The following PRPF18 variants were observed in gnomAD, a reference collection of about 807,000 sequenced individuals.
PRPF18 encodes the protein pre-mRNA processing factor 18, also known as pre-mRNA-splicing factor 18.
PRPF18 carries 38 observed loss-of-function variants against 46.5 expected under a neutral mutation model. The observed-to-expected ratio is 0.82, with a 90% CI of 0.63 to 1.07. The LOEUF (loss-of-function observed/expected upper bound fraction) is 1.07. Ranked by LOEUF, PRPF18 falls within the 50% of genes least tolerant of loss-of-function variation. The pLI is 0.00. For missense variants in PRPF18, 263 were observed against 410.0 expected, an observed-to-expected ratio of 0.64 and a Z score of 3.10; for synonymous variants, 152 against 146.7, an observed-to-expected ratio of 1.04 and a Z score of -0.26.
At chr10:13,621,334 G>A (rs1437258168) in intron 9 of PRPF18, among the ~76,000 whole-genome samples, 1 of 152,194 alleles carries the variant, frequency 6.6e-6, no homozygotes, top group Non-Finnish European at 1.5e-5. Context: ...GGGACTGGAA[G>A]GCATTTTGTA....
In PRPF18 at chr10:13,613,726, C is replaced by G. The variant is rs760668696; in HGVS notation, c.580-15C>G. On this transcript the variant is annotated splice_polypyrimidine_tract_variant and intron_variant, in intron 6 of 9. Transcript: ENST00000378572. ...GGGTGGCATTGTAGTCTAAGTTTACCCATCCTTTCAACAGTTTCTTCTTGG... is the reference window on the plus strand; with the variant it reads ...GGGTGGCATTGTAGTCTAAGTTTACGCATCCTTTCAACAGTTTCTTCTTGG... 8 of 1,607,808 alleles carry G rather than the reference C, an allele frequency of 5.0e-6. No individual in the cohort carries two copies. The highest frequency in any genetic ancestry group is 6.8e-6 in the Non-Finnish European group (8 of 1,178,042).
At chr10:13,618,298 T>A (rs989192169) in intron 9 of PRPF18, among the ~76,000 whole-genome samples, 2 of 152,088 alleles carry the variant, frequency 1.3e-5, no homozygotes, top group African/African-American at 4.8e-5. Flanking sequence ...CCATATACCC[T>A]TTTGCTTAAG....
At chr10:13,605,036 C>G (rs960620266) in intron 3 of PRPF18, among the ~76,000 whole-genome samples, 3 of 152,296 alleles carry the variant, frequency 2.0e-5, no homozygotes, top group African/African-American at 7.2e-5. Context: ...GGTCAGACCA[C>G]TTTCTAGGAG....
rs1371735199 is a variant in PRPF18 at position 13,630,777 on chromosome 10, T to G, written c.*437T>G. On this transcript the variant is annotated 3_prime_UTR_variant, in exon 10 of 10. Transcript: ENST00000378572. ...AATATTTTTATATATTTCAAAAACA[T>G]GGGACCATTGAATGAAACTTTATAG... The G allele has an allele frequency of 2.6e-5, 4 of 152,140 alleles. No homozygotes were observed. The highest frequency in any genetic ancestry group is 4.8e-5 in the African/African-American group (2 of 41,438). 9.4% of individuals were successfully genotyped at this position (152,140 alleles called of 1,614,324 possible).
rs751175281 is a variant in PRPF18, at chr10:13,587,187, AGAGT to A, written c.66+39_66+42del. The A allele has an allele frequency of 1.0e-4, 162 of 1,583,070 alleles. 1 individual carries two copies. The highest frequency in any genetic ancestry group is 1.4e-4 in the Non-Finnish European group (162 of 1,152,222). On this transcript the variant is annotated intron_variant, in intron 1 of 9. Coordinates refer to ENST00000378572, the MANE Select transcript of PRPF18 (RefSeq NM_003675.4). ...CTGCGGTCGTGGGGGTCGGGATGTA[AGAGT>A]GAGAGTATGTGTGTCGGGGTTTTGG... is the stretch of plus-strand genomic sequence containing the variant.
At chr10:13,621,145 A>G (rs941905755) in intron 9 of PRPF18, among the ~76,000 whole-genome samples, 9 of 152,214 alleles carry the variant, frequency 5.9e-5, no homozygotes, top group African/African-American at 1.9e-4. Flanking sequence ...TTATTTGTCA[A>G]AAATAAGGGA....
the PRPF18 span, chr10:13,655,840 G>A: frequency 1.4e-4 from 21 of 152,180 alleles, no homozygotes; most frequent in Admixed American, 3.3e-4. Context: ...AGTGGTAAGA[G>A]TATGTTAATA....
intron 1 of PRPF18, among the ~76,000 whole-genome samples, chr10:13,594,586 G>T (rs534132549): frequency 6.6e-6 from 1 of 152,240 alleles, no homozygotes; most frequent in Admixed American, 6.5e-5. Context: ...GTAATGTCAT[G>T]GTTCAGTGAA....
the PRPF18 span, chr10:13,655,790 T>C: frequency 2.0e-5 from 3 of 152,226 alleles, no homozygotes; most frequent in Non-Finnish European, 4.4e-5. Flanking sequence ...TTTATTCTTA[T>C]GATGTTTACC....
intron 9 of PRPF18, among the ~76,000 whole-genome samples, chr10:13,618,692 T>C (rs1182336223): frequency 1.3e-5 from 2 of 151,352 alleles, no homozygotes; most frequent in Non-Finnish European, 2.9e-5. Flanking sequence ...TAGTATGATA[T>C]GGCCACCTAA....
the PRPF18 span, among the ~76,000 whole-genome samples, chr10:13,650,193 G>A: frequency 1.3e-5 from 2 of 152,174 alleles, no homozygotes; most frequent in Non-Finnish European, 2.9e-5. Context: ...CTGCTGGGAG[G>A]GAGGAATTTC....
chr10:13,650,722 C>T, the PRPF18 span, among the ~76,000 whole-genome samples: 1 of 152,142 alleles, frequency 6.6e-6, no homozygotes, highest in Non-Finnish European at 1.5e-5. Flanking sequence ...ACTTACTTTT[C>T]AAAAGTCCAG....
At chr10:13,634,686 G>A (rs2080620340), downstream of PRPF18, among the ~76,000 whole-genome samples, 1 of 152,206 alleles carries the variant, frequency 6.6e-6, no homozygotes, top group Non-Finnish European at 1.5e-5. Flanking sequence ...ACAAGTGTAT[G>A]GAGACCCAGT....
intron 9 of PRPF18, among the ~76,000 whole-genome samples, chr10:13,620,185 T>C (rs1021980902): frequency 2.6e-5 from 4 of 152,218 alleles, no homozygotes; most frequent in Admixed American, 6.5e-5. Flanking sequence ...GTAAATATCT[T>C]GGGCTTTGTA....
At chr10:13,627,157 A>C (rs1032523002) in intron 9 of PRPF18, among the ~76,000 whole-genome samples, 3 of 152,148 alleles carry the variant, frequency 2.0e-5, no homozygotes, top group Non-Finnish European at 1.5e-5. Context: ...GTCCAAGCCA[A>C]AGTCCTTCAG....
chr10:13,614,169 G>T (rs1589131335), intron 8 of PRPF18, 83 bp downstream of exon 8: 1 of 1,045,546 alleles, frequency 9.6e-7, no homozygotes, highest in Non-Finnish European at 1.4e-6. Flanking sequence ...GGGATAGGAG[G>T]ATTTTACATA....
downstream of PRPF18, among the ~76,000 whole-genome samples, chr10:13,632,293 A>T (rs2080597112): frequency 1.3e-5 from 2 of 152,088 alleles, no homozygotes; most frequent in Non-Finnish European, 1.5e-5. Flanking sequence ...GTGAGCCGAG[A>T]TCGTGCCACT....
chr10:13,626,570 G>A (rs1026662568), intron 9 of PRPF18, among the ~76,000 whole-genome samples: 1 of 152,222 alleles, frequency 6.6e-6, no homozygotes, highest in Non-Finnish European at 1.5e-5. Flanking sequence ...TGTGGGGCCA[G>A]TGGACAGTGG....
chr10:13,596,616 C>T (rs1174237957), intron 1 of PRPF18, among the ~76,000 whole-genome samples: 1 of 152,192 alleles, frequency 6.6e-6, no homozygotes, highest in African/African-American at 2.4e-5. Flanking sequence ...GCTGCGATGG[C>T]AACAAGCCTC....
Sources: allele counts gnomAD v4.1 joint callset (sites outside exome capture counted in the v4.1 genomes callset), GRCh38; gene constraint gnomAD v4.1.1; transcripts MANE v1.5; gene names NCBI Gene and HGNC (gene_info 2026-07-23, HGNC 2026-07-21).